SV2C: variants seen among roughly 807,000 people sequenced by gnomAD.
The protein encoded by SV2C is synaptic vesicle glycoprotein 2C.
In SV2C, 49 loss-of-function variants were observed where a neutral mutation model predicts 79.7. The observed-to-expected ratio is 0.61, with a 90% CI of 0.49 to 0.78. SV2C has a LOEUF of 0.78. Ranked by LOEUF, SV2C falls within the 30% of genes least tolerant of loss-of-function variation. SV2C has a pLI of 0.00. For missense variants in SV2C, 833 were observed against 912.9 expected, an observed-to-expected ratio of 0.91 and a Z score of 1.13; for synonymous variants, 334 against 333.2, an observed-to-expected ratio of 1.00 and a Z score of -0.03.
intron 3 of SV2C, among the ~76,000 whole-genome samples, chr5:76,196,031 G>A (rs1580346416): frequency 6.6e-6 from 1 of 151,996 alleles, no homozygotes; most frequent in Non-Finnish European, 1.5e-5. Context: ...AAACATAAAT[G>A]AAGAAAATGA....
chr5:76,182,326 G>A (rs779461397), intron 2 of SV2C, among the ~76,000 whole-genome samples: 2 of 152,034 alleles, frequency 1.3e-5, no homozygotes, highest in Non-Finnish European at 2.9e-5. Context: ...CCTATCCCAA[G>A]CTGGAATCCT....
At chr5:76,125,447 A>T (rs1196736654) in intron 1 of SV2C, among the ~76,000 whole-genome samples, 1 of 152,190 alleles carries the variant, frequency 6.6e-6, no homozygotes, top group Non-Finnish European at 1.5e-5. Flanking sequence ...TTAATACAGT[A>T]TTTCCATAAA....
At chr5:75,915,272 C>T in the SV2C span, among the ~76,000 whole-genome samples, 1 of 152,210 alleles carries the variant, frequency 6.6e-6, no homozygotes, top group African/African-American at 2.4e-5. Flanking sequence ...TAACCCACAT[C>T]TATTTGGTGC....
the SV2C span, among the ~76,000 whole-genome samples, chr5:76,007,271 G>T: frequency 6.6e-6 from 1 of 151,492 alleles, no homozygotes; most frequent in Non-Finnish European, 1.5e-5. Context: ...GTAGACTAGG[G>T]GAAGGGAGGC....
the SV2C span, among the ~76,000 whole-genome samples, chr5:75,871,944 C>G: frequency 6.8e-6 from 1 of 146,926 alleles, no homozygotes; most frequent in Non-Finnish European, 1.5e-5. Context: ...CATATGTATA[C>G]ATGTGCCATG....
At chr5:75,935,757 T>C in the SV2C span, among the ~76,000 whole-genome samples, 2 of 152,186 alleles carry the variant, frequency 1.3e-5, no homozygotes, top group Non-Finnish European at 2.9e-5. Context: ...ATCAGAGAGA[T>C]TGTTATTAGT....
the SV2C span, among the ~76,000 whole-genome samples, chr5:75,916,319 TTCC>T: frequency 9.0e-5 from 8 of 88,558 alleles, no homozygotes; most frequent in East Asian, 4.9e-4. Context: ...TCTCGTCCTC[TTCC>T]TCCTCCTCTT....
At chr5:76,316,348 C>T (rs1253716223) in intron 12 of SV2C, among the ~76,000 whole-genome samples, 1 of 152,186 alleles carries the variant, frequency 6.6e-6, no homozygotes, top group Admixed American at 6.5e-5. Flanking sequence ...ACCTTCATGT[C>T]ACGTGGAGCT....
intron 4 of SV2C, among the ~76,000 whole-genome samples, chr5:76,223,440 CATACATATATATATATATATATATAT>C (rs1197445234): frequency 2.8e-5 from 1 of 36,024 alleles, no homozygotes; most frequent in East Asian, 1.1e-3. Context: ...TATATACATA[CATACATATATATATATATATATATAT>C]ATATATATAT....
the SV2C span, among the ~76,000 whole-genome samples, chr5:75,894,851 A>G: frequency 6.6e-6 from 1 of 152,012 alleles, no homozygotes. Flanking sequence ...TGCCCAGGAG[A>G]GACTTGAGAA....
the SV2C span, among the ~76,000 whole-genome samples, chr5:75,903,201 A>G: frequency 6.6e-6 from 1 of 152,094 alleles, no homozygotes; most frequent in East Asian, 1.9e-4. Context: ...AAAGAATAAG[A>G]GCATAGAATG....
Position 76,131,814 on chromosome 5 carries a change from G to A in SV2C, c.64G>A (p.Val22Met), listed in dbSNP as rs1003999046. ...GGGTGCCAAGGACATTGCCAGAGAG[G>A]TGAAGAAACAAACAGTAAAGAAGGT... ...MKGAKDIARE[V>M]KKQTVKKVNQ... Residue 22 changes from valine to methionine, a missense_variant, in exon 2 of 13, where the codon GTG becomes ATG. Transcript: ENST00000502798. 9 of 1,613,948 alleles carry A rather than the reference G, an allele frequency of 5.6e-6. No homozygotes were observed. In the Admixed American group the frequency reaches 1.2e-4, roughly 21 times the overall value.
In SV2C at chr5:76,328,011, A is replaced by C. The variant is rs910825878; in HGVS notation, c.*2464A>C. 1.3e-5 allele frequency: 2 copies of C among 152,188 alleles called. No homozygotes were observed. Among genetic ancestry groups the C allele is most frequent in the Non-Finnish European group, 2.9e-5 (2 of 68,078 alleles). The allele number at this position is 152,188 out of a possible 1,614,324, so 9.4% of individuals were successfully genotyped here. ...TCTCCTGGACAGTCTGTGGTCACAA[A>C]CCTTCTTGGTCACCACCTCTCCCAC... On this transcript the variant is annotated 3_prime_UTR_variant, in exon 13 of 13. Transcript: ENST00000502798.
At chr5:75,866,935 G>A in the SV2C span, among the ~76,000 whole-genome samples, 191 of 152,222 alleles carry the variant, frequency 1.3e-3, 3 homozygotes, top group East Asian at 0.032. Flanking sequence ...GGGCTTCCTC[G>A]GTGGATTTAA....
At chr5:76,345,001 C>T (rs1477302110) in intron 12 of SV2C, among the ~76,000 whole-genome samples, 1 of 152,204 alleles carries the variant, frequency 6.6e-6, no homozygotes, top group Non-Finnish European at 1.5e-5. Context: ...ACAATCTTAA[C>T]TACTAGGCTA....
At chr5:75,925,010 T>C in the SV2C span, among the ~76,000 whole-genome samples, 309 of 152,276 alleles carry the variant, frequency 2.0e-3, no homozygotes, top group Non-Finnish European at 3.5e-3. Context: ...AAAGTTATGG[T>C]TATTTAATAT....
intron 6 of SV2C, among the ~76,000 whole-genome samples, chr5:76,290,684 A>G (rs764683066): frequency 3.9e-5 from 6 of 152,164 alleles, no homozygotes; most frequent in Non-Finnish European, 7.4e-5. Context: ...ATCTTGAATC[A>G]TGGCTACCTG....
At position 76,298,947 on chromosome 5, in the gene SV2C, C is replaced by T. The variant is rs755101240; in HGVS notation, c.1636+20C>T. 8 of 1,610,716 alleles carry T rather than the reference C, an allele frequency of 5.0e-6. No individual in the cohort carries two copies. The highest frequency in any genetic ancestry group is 6.8e-6 in the Non-Finnish European group (8 of 1,178,600). ...ACACAGGTAGGTGTGCTACTTAGTA[C>T]TGCCTCTACCTGAGGCCTCTCCAAA... On this transcript the variant is annotated intron_variant, in intron 10 of 12. Transcript: ENST00000502798.
At chr5:75,883,275 C>T in the SV2C span, among the ~76,000 whole-genome samples, 2 of 135,436 alleles carry the variant, frequency 1.5e-5, no homozygotes, top group African/African-American at 6.4e-5. Context: ...TTGTGGAAGT[C>T]AGTGTGGCGA....
Sources: allele counts gnomAD v4.1 joint callset (sites outside exome capture counted in the v4.1 genomes callset), GRCh38; gene constraint gnomAD v4.1.1; transcripts MANE v1.5; gene names NCBI Gene and HGNC (gene_info 2026-07-23, HGNC 2026-07-21).